HIVEP1: variants seen among roughly 807,000 people sequenced by gnomAD.
HIVEP1 encodes HIVEP zinc finger 1, also known as zinc finger protein 40.
HIVEP1 carries 36 observed loss-of-function variants against 180.0 expected under a neutral mutation model. That is an observed-to-expected ratio of 0.20 (90% confidence interval 0.15 to 0.26). HIVEP1 has a LOEUF of 0.26. Among genes scored for constraint, HIVEP1 ranks in the 10% least tolerant of loss-of-function variants. The pLI is 1.00. For synonymous variants in HIVEP1, 1,239 were observed against 1,239.0 expected (o/e 1.00, Z 0.00); for missense variants, 3,143 against 3,268.7 (o/e 0.96, Z 0.94).
chr6:12,209,778 T>C, the HIVEP1 span, among the ~76,000 whole-genome samples: 1 of 152,234 alleles, frequency 6.6e-6, no homozygotes, highest in East Asian at 1.9e-4. Flanking sequence ...TGTTAATTAA[T>C]ATATGAATTA....
chr6:12,096,647 A>G lies in HIVEP1; in HGVS notation c.94+7410A>G, dbSNP rs189027889. ...CTCTCATTTAAAAAAAAATTTAATT[A>G]CCACACATAACATTTTTTAAAACGA... On this transcript the variant is annotated intron_variant, in intron 3 of 8. Transcript: ENST00000379388. 7.9e-5 allele frequency among the ~76,000 whole-genome samples: 12 copies of G among 152,092 alleles called. 1 individual carries two copies. Among genetic ancestry groups the G allele is most frequent in the Admixed American group, 2.6e-4 (4 of 15,286 alleles).
chr6:12,180,621 A>G, the HIVEP1 span, among the ~76,000 whole-genome samples: 4 of 152,220 alleles, frequency 2.6e-5, no homozygotes, highest in African/African-American at 9.7e-5. Flanking sequence ...CCTGTATTTC[A>G]TAAACACCAC....
upstream of HIVEP1, among the ~76,000 whole-genome samples, chr6:12,009,156 G>A (rs1767152787): frequency 1.4e-5 from 2 of 144,162 alleles, no homozygotes; most frequent in African/African-American, 2.5e-5. Context: ...CTGCCGGGCC[G>A]CGCGCTGGGC....
chr6:12,108,208 T>G (rs1366200334), intron 3 of HIVEP1, among the ~76,000 whole-genome samples: 1 of 152,198 alleles, frequency 6.6e-6, no homozygotes, highest in East Asian at 1.9e-4. Flanking sequence ...GGGTGCTGAT[T>G]GGTGTGTTTA....
intron 2 of HIVEP1, among the ~76,000 whole-genome samples, chr6:12,029,200 C>A (rs1279272232): frequency 6.6e-6 from 1 of 152,182 alleles, no homozygotes; most frequent in Non-Finnish European, 1.5e-5. Flanking sequence ...TTCTAGAAGT[C>A]TCAGGTCAAG....
chr6:12,113,425 G>A (rs1189814885), intron 3 of HIVEP1, among the ~76,000 whole-genome samples: 3 of 151,986 alleles, frequency 2.0e-5, no homozygotes, highest in African/African-American at 4.8e-5. Context: ...TCGAGGAGGA[G>A]AAAGTTTACC....
Position 12,164,513 on chromosome 6 carries a change from T to G in HIVEP1, c.*52T>G. The G allele has an allele frequency of 7.4e-7, 1 of 1,358,478 alleles. No homozygotes were observed. The highest frequency in any genetic ancestry group is 1.0e-6 in the Non-Finnish European group (1 of 1,001,602). The allele number at this position is 1,358,478 out of a possible 1,614,324, so 84.2% of individuals were successfully genotyped here. ...TTTTATATAACACTTAAAGGTTTCT[T>G]TGAAAACCCTCCTTTCCTTAAAGCA... On this transcript the variant is annotated 3_prime_UTR_variant, in exon 9 of 9. Coordinates refer to ENST00000379388, the MANE Select transcript of HIVEP1 (RefSeq NM_002114.4).
At chr6:12,096,621 A>G (rs897778579) in intron 3 of HIVEP1, among the ~76,000 whole-genome samples, 4 of 151,740 alleles carry the variant, frequency 2.6e-5, no homozygotes, top group Non-Finnish European at 4.4e-5. Context: ...AAAAATGGTG[A>G]CTCTCATTTA....
chr6:12,139,387 A>G (rs1758878926), intron 7 of HIVEP1, among the ~76,000 whole-genome samples: 1 of 152,186 alleles, frequency 6.6e-6, no homozygotes, highest in Non-Finnish European at 1.5e-5. Context: ...GCCAAATAGG[A>G]ACAGCTCCAG....
chr6:12,175,358 G>C, the HIVEP1 span, among the ~76,000 whole-genome samples: 2 of 152,050 alleles, frequency 1.3e-5, no homozygotes, highest in Admixed American at 1.3e-4. Context: ...CTGTAAGTTA[G>C]GGCAAAAGTG....
rs866502130 is a variant in HIVEP1 at position 12,109,000 on chromosome 6, G to T, written c.95-10890G>T. ...TATTTTTATTTTTACTTTTTTTTGA[G>T]ACAGACTCTCGCTCTGTCGCCCAGG... is the stretch of plus-strand genomic sequence containing the variant. On this transcript the variant is annotated intron_variant, in intron 3 of 8. Coordinates refer to ENST00000379388, the MANE Select transcript of HIVEP1 (RefSeq NM_002114.4). Among the ~76,000 whole-genome samples the T allele has an allele frequency of 2.0e-5, 3 of 152,018 alleles. No homozygotes were observed. The Middle Eastern group carries it at 0.01, about 517-fold the overall frequency.
chr6:12,211,114 T>G, the HIVEP1 span, among the ~76,000 whole-genome samples: 1 of 151,610 alleles, frequency 6.6e-6, no homozygotes, highest in Non-Finnish European at 1.5e-5. Context: ...TAAGAGTACT[T>G]TGAGGCCGGG....
chr6:12,088,177 A>G (rs1773226048), intron 2 of HIVEP1, among the ~76,000 whole-genome samples: 1 of 152,078 alleles, frequency 6.6e-6, no homozygotes, highest in Non-Finnish European at 1.5e-5. Context: ...GGAGTAGGAT[A>G]CCATATTGGA....
chr6:12,030,612 A>G (rs1431289102), intron 2 of HIVEP1, among the ~76,000 whole-genome samples: 1 of 152,070 alleles, frequency 6.6e-6, no homozygotes, highest in African/African-American at 2.4e-5. Context: ...TAGAATTTCT[A>G]TTTGCTTCTC....
At position 12,121,352 on chromosome 6, in the gene HIVEP1, A is replaced by G; in HGVS notation, c.1557A>G (p.Ile519Met). The change falls in exon 4 of 9, where the codon ATA becomes ATG. Residue 519 changes from isoleucine to methionine, a missense_variant. This residue lies in a region of HIVEP1 where 365 missense variants were observed against 344.4 expected (regional missense o/e 1.06). Transcript: ENST00000379388. This position sits in a 1 kb window ranked among gnomAD's most constrained non-coding sequence, Gnocchi z 5.3. ...TGGAGCTGCAGCCTGTGCACATAATAAAGAGGATGTCAAATGCTGAAACTT... is the reference window on the plus strand; with the variant it reads ...TGGAGCTGCAGCCTGTGCACATAATGAAGAGGATGTCAAATGCTGAAACTT... ...GAMELQPVHI[I>M]KRMSNAETLL... 1.2e-6 allele frequency: 2 copies of G among 1,614,154 alleles called. No individual in the cohort carries two copies. Among genetic ancestry groups the G allele is most frequent in the Non-Finnish European group, 1.7e-6 (2 of 1,180,024 alleles).
intron 2 of HIVEP1, among the ~76,000 whole-genome samples, chr6:12,017,038 A>G (rs1387678736): frequency 6.6e-6 from 1 of 152,220 alleles, no homozygotes; most frequent in Admixed American, 6.5e-5. Flanking sequence ...TGTTGAAGGA[A>G]CGAGTGCATG....
intron 2 of HIVEP1, among the ~76,000 whole-genome samples, chr6:12,078,439 A>G (rs578188689): frequency 6.6e-6 from 1 of 152,096 alleles, no homozygotes. Context: ...GCTCCAACAC[A>G]TAGTACAGTT....
At chr6:12,166,167 AAATT>A (rs1760695529), downstream of HIVEP1, among the ~76,000 whole-genome samples, 1 of 152,200 alleles carries the variant, frequency 6.6e-6, no homozygotes, top group Admixed American at 6.5e-5. Flanking sequence ...CAGTTTCTCA[AAATT>A]AATGTTTTAA....
rs184153060 is a variant in HIVEP1, at chr6:12,120,822, T to G, written c.1027T>G (p.Ser343Ala). ...SVGLTSPSSRSQVTPQNQQMD... is the reference protein window; with the variant it reads ...SVGLTSPSSRAQVTPQNQQMD... ...AGGCCTAACTTCACCTTCCAGTAGA[T>G]CTCAGGTTACTCCTCAAAACCAGCA... The change falls in exon 4 of 9, where the codon TCT (serine) becomes GCT (alanine). Residue 343 changes from serine to alanine, a missense_variant. This residue lies in a region of HIVEP1 where 306 missense variants were observed against 310.6 expected (regional missense o/e 0.99). Transcript: ENST00000379388. The G allele has an allele frequency of 1.2e-6, 2 of 1,614,038 alleles. No homozygotes were observed. The highest frequency in any genetic ancestry group is 8.5e-7 in the Non-Finnish European group (1 of 1,180,030).
Sources: allele counts gnomAD v4.1 joint callset (sites outside exome capture counted in the v4.1 genomes callset), GRCh38; gene constraint gnomAD v4.1.1; regional missense constraint gnomAD v4.1.1; non-coding constraint Gnocchi (gnomAD v3.1); transcripts MANE v1.5; gene names NCBI Gene and HGNC (gene_info 2026-07-23, HGNC 2026-07-21).